The following WDFY1 variants were observed in gnomAD, a reference collection of about 807,000 sequenced individuals.
The protein encoded by WDFY1 is WD repeat and FYVE domain-containing protein 1.
Under a neutral mutation model 56.4 loss-of-function variants are expected in WDFY1, and 32 were observed. The ratio of observed to expected loss-of-function variants is 0.57; its 90% confidence interval spans 0.43 to 0.76. WDFY1 has a LOEUF of 0.76. Ranked by LOEUF, WDFY1 falls within the 30% of genes least tolerant of loss-of-function variation. The probability of loss-of-function intolerance (pLI) is 0.00; values close to 1 mark genes in which losing one functional copy is unlikely to be tolerated. For synonymous variants in WDFY1, 192 were observed against 197.3 expected (o/e 0.97, Z 0.23); for missense variants, 480 against 545.7 (o/e 0.88, Z 1.20).
chr2:223,936,983 T>C (rs1036462365), intron 1 of WDFY1, among the ~76,000 whole-genome samples: 2 of 152,244 alleles, frequency 1.3e-5, no homozygotes, highest in African/African-American at 4.8e-5. Flanking sequence ...TGTGCTGATT[T>C]TGTTTTGCGT....
chr2:223,919,770 T>C (rs955543907), intron 1 of WDFY1, among the ~76,000 whole-genome samples: 1 of 152,204 alleles, frequency 6.6e-6, no homozygotes, highest in Admixed American at 6.5e-5. Context: ...AGCCTAAATA[T>C]TGATACCATA....
intron 1 of WDFY1, among the ~76,000 whole-genome samples, chr2:223,937,952 G>A (rs1223092272): frequency 6.6e-6 from 1 of 151,772 alleles, no homozygotes; most frequent in Non-Finnish European, 1.5e-5. Flanking sequence ...GTGAACAATT[G>A]GTAAATACAC....
intron 4 of WDFY1, 41 bp downstream of exon 4, chr2:223,905,906 C>G: frequency 7.2e-7 from 1 of 1,394,364 alleles, no homozygotes; most frequent in Non-Finnish European, 9.7e-7. Flanking sequence ...TTGTGTATGT[C>G]TACATGTATG....
At chr2:223,922,853 C>T (rs1161147130) in intron 1 of WDFY1, among the ~76,000 whole-genome samples, 1 of 152,184 alleles carries the variant, frequency 6.6e-6, no homozygotes, top group Non-Finnish European at 1.5e-5. Flanking sequence ...AATACTTAAA[C>T]TAGCCCAAAG....
At chr2:223,894,194 G>A in intron 8 of WDFY1, 40 bp downstream of exon 8, 1 of 1,608,098 alleles carries the variant, frequency 6.2e-7, no homozygotes, top group Non-Finnish European at 8.5e-7. Context: ...GGTTCCTGGG[G>A]GTCTCCCCCG....
intron 1 of WDFY1, among the ~76,000 whole-genome samples, chr2:223,918,367 G>A (rs575149725): frequency 2.6e-5 from 4 of 152,198 alleles, no homozygotes; most frequent in South Asian, 2.1e-4. Flanking sequence ...GGTGGCTCAC[G>A]CCTATAATCC....
chr2:223,897,064 C>G (rs1191697736), intron 6 of WDFY1, among the ~76,000 whole-genome samples: 4 of 152,040 alleles, frequency 2.6e-5, no homozygotes, highest in Non-Finnish European at 4.4e-5. Context: ...CTTCTTTTCC[C>G]CTACAGGGTC....
intron 1 of WDFY1, among the ~76,000 whole-genome samples, chr2:223,924,568 T>C (rs1473378657): frequency 6.6e-6 from 1 of 152,154 alleles, no homozygotes; most frequent in Non-Finnish European, 1.5e-5. Context: ...TTCACCATGT[T>C]GGCCAGGCTG....
chr2:223,917,409 T>C (rs1693806118), intron 2 of WDFY1, among the ~76,000 whole-genome samples: 1 of 151,820 alleles, frequency 6.6e-6, no homozygotes, highest in Non-Finnish European at 1.5e-5. Context: ...TTTCCTATTT[T>C]TTTTTCAGTT....
intron 1 of WDFY1, among the ~76,000 whole-genome samples, chr2:223,931,600 T>C (rs1008675520): frequency 6.6e-6 from 1 of 152,146 alleles, no homozygotes; most frequent in Non-Finnish European, 1.5e-5. Context: ...GGAGCAAAGA[T>C]AGATTCAAGG....
At chr2:223,894,613 A>C (rs1475629709) in intron 7 of WDFY1, among the ~76,000 whole-genome samples, 2 of 152,218 alleles carry the variant, frequency 1.3e-5, no homozygotes, top group Non-Finnish European at 2.9e-5. Flanking sequence ...GGTTTTTGGG[A>C]CCAATCAACA....
chr2:223,893,003 GT>G (rs1305302590), intron 8 of WDFY1, among the ~76,000 whole-genome samples: 2 of 152,184 alleles, frequency 1.3e-5, no homozygotes, highest in Admixed American at 1.3e-4. Flanking sequence ...AACATCGTAA[GT>G]TGTAGATGTC....
intron 1 of WDFY1, among the ~76,000 whole-genome samples, chr2:223,929,599 C>T (rs1694042107): frequency 6.6e-6 from 1 of 152,110 alleles, no homozygotes. Context: ...CTGTGATTTC[C>T]CACCTCCCTG....
At chr2:223,890,850 TTAC>T (rs1210492996) in intron 8 of WDFY1, among the ~76,000 whole-genome samples, 4 of 152,244 alleles carry the variant, frequency 2.6e-5, no homozygotes, top group African/African-American at 9.6e-5. Context: ...CTAATTATTG[TTAC>T]TTCCTCATTT....
At chr2:223,885,149 T>G (rs142716139) in intron 8 of WDFY1, among the ~76,000 whole-genome samples, 199 of 152,114 alleles carry the variant, frequency 1.3e-3, no homozygotes, top group Non-Finnish European at 2.0e-3. Context: ...CCACGAAATA[T>G]TCTAGCTAGT....
chr2:223,945,110 G>T (rs752466847), intron 1 of WDFY1, 38 bp downstream of exon 1: 218 of 1,552,226 alleles, frequency 1.4e-4, no homozygotes, highest in Non-Finnish European at 1.7e-4. Context: ...CCCCGTCGTC[G>T]CGGAGTTCGG....
At position 223,901,437 on chromosome 2, in the gene WDFY1, G is replaced by T. The variant is rs1044533618; in HGVS notation, c.335-104C>A. 10 of 1,315,800 alleles carry T rather than the reference G, an allele frequency of 7.6e-6. No homozygotes were observed. In the African/African-American group the frequency reaches 1.3e-4, roughly 17 times the overall value. 81.5% of individuals were successfully genotyped at this position (1,315,800 alleles called of 1,614,324 possible). On this transcript the variant is annotated intron_variant, in intron 4 of 11. Coordinates refer to ENST00000233055, the MANE Select transcript of WDFY1 (RefSeq NM_020830.5). Reference sequence around the variant, plus strand: ...ATCTGCTCAGCCAGGGCACAGCTGTGTACAAGAGTGTACTGGAAATGCCTG... The same window carrying T: ...ATCTGCTCAGCCAGGGCACAGCTGTTTACAAGAGTGTACTGGAAATGCCTG...
intron 5 of WDFY1, 124 bp from the exon 6 acceptor site, chr2:223,899,194 C>T (rs1416621219): frequency 1.5e-6 from 1 of 686,136 alleles, no homozygotes; most frequent in East Asian, 2.7e-5. Context: ...AGAGAATAAG[C>T]ATACACGTAA....
intron 1 of WDFY1, among the ~76,000 whole-genome samples, chr2:223,926,643 AAT>A (rs546463340): frequency 0.027 from 3,528 of 128,536 alleles, 120 homozygotes; most frequent in African/African-American, 0.091. Context: ...TATATATACA[AAT>A]ATGTGCGTGT....
Sources: allele counts gnomAD v4.1 joint callset (sites outside exome capture counted in the v4.1 genomes callset), GRCh38; gene constraint gnomAD v4.1.1; transcripts MANE v1.5; gene names NCBI Gene and HGNC (gene_info 2026-07-23, HGNC 2026-07-21).